Variants in SBDS observed in about 807,000 individuals in gnomAD.
SBDS encodes SBDS ribosome maturation factor, also known as ribosome maturation protein SBDS.
A neutral mutation model predicts 26.4 loss-of-function variants in SBDS; 20 were observed. That is an observed-to-expected ratio of 0.76 (90% CI 0.53 to 1.10). The LOEUF (loss-of-function observed/expected upper bound fraction) is 1.10. Among genes scored for constraint, SBDS ranks in the 50% least tolerant of loss-of-function variants. The probability of loss-of-function intolerance (pLI) is 0.00; values close to 1 mark genes in which losing one functional copy is unlikely to be tolerated. For synonymous variants in SBDS, 95 were observed against 105.1 expected, an observed-to-expected ratio of 0.90 and a Z score of 0.59; for missense variants, 241 against 302.0, an observed-to-expected ratio of 0.80 and a Z score of 1.50.
rs1445347125 is a variant in SBDS, at chr7:66,995,564, C to T, written c.-147G>A. On this transcript the variant is annotated 5_prime_UTR_variant, in exon 1 of 5. Transcript: ENST00000246868. The stretch of plus-strand genomic sequence containing the variant: ...GCGCGGCGCCGCGACTCACTAGCTT[C>T]AGGCAGCCGTCACAGTGTGTCTGGC... The T allele has an allele frequency of 9.4e-6, 11 of 1,168,454 alleles. No homozygotes were observed. Among genetic ancestry groups the T allele is most frequent in the Non-Finnish European group, 1.1e-5 (9 of 810,770 alleles). The allele number at this position is 1,168,454 out of a possible 1,614,324, so 72.4% of individuals were successfully genotyped here. A position where few individuals can be genotyped will look rare whatever the true frequency, so the allele number is the denominator to read the frequency against.
Position 66,995,553 on chromosome 7 carries a change from C to T in SBDS, c.-136G>A, listed in dbSNP as rs1793095493. ...CAACCACCAGTGCGCGGCGCCGCGA[C>T]TCACTAGCTTCAGGCAGCCGTCACA... On this transcript the variant is annotated 5_prime_UTR_variant, in exon 1 of 5. Transcript: ENST00000246868. 14 of 1,296,698 alleles carry T rather than the reference C, an allele frequency of 1.1e-5. No individual in the cohort carries two copies. The South Asian group carries it at 1.8e-4, about 16-fold the overall frequency. 80.3% of individuals were successfully genotyped at this position (1,296,698 alleles called of 1,614,324 possible).
At position 66,987,733 on chromosome 7, in the gene SBDS, A is replaced by G. The variant is rs1236735681; in HGVS notation, c.*638T>C. The G allele has an allele frequency of 5.9e-6, 1 of 170,660 alleles. No individual in the cohort carries two copies. Among genetic ancestry groups the G allele is most frequent in the African/African-American group, 2.4e-5 (1 of 42,018 alleles). The allele number at this position is 170,660 out of a possible 1,614,324, so 10.6% of individuals were successfully genotyped here. ...ACATAAGAGTGGTTTTATTGATTAC[A>G]TACAATTTTAGCTATATTAATATAT... On this transcript the variant is annotated 3_prime_UTR_variant, in exon 5 of 5. Transcript: ENST00000246868.
At chr7:66,994,403 A>G (rs552076495) in intron 1 of SBDS, 62 bp from the exon 2 acceptor site, 78 of 1,429,410 alleles carry the variant, frequency 5.5e-5, no homozygotes, top group Non-Finnish European at 7.5e-5. Context: ...ATGCATTTAC[A>G]TTTAAATACG....
chr7:66,991,237 C>T lies in SBDS; in HGVS notation c.524G>A (p.Arg175Gln), dbSNP rs544699994. Reference sequence around the variant, plus strand: ...GCCTTCATTGACTGGAAGGATGAACCGAAGCCTCATGTGAGCACGTTCTAT... The same window carrying T: ...GCCTTCATTGACTGGAAGGATGAACTGAAGCCTCATGTGAGCACGTTCTAT... ...MKIERAHMRL[R>Q]FILPVNEGKK... is the part of the protein sequence containing the mutation. Residue 175 changes from arginine to glutamine, a missense_variant, in exon 4 of 5, where the codon CGG (arginine) becomes CAG (glutamine). Arg to Gln is a conservative substitution (Grantham distance 43). Coordinates refer to ENST00000246868, the MANE Select transcript of SBDS (RefSeq NM_016038.4). 22 of 1,613,948 alleles carry T rather than the reference C, an allele frequency of 1.4e-5. No homozygotes were observed. Among genetic ancestry groups the T allele is most frequent in the East Asian group, 6.7e-5 (3 of 44,870 alleles).
At chr7:66,995,152 T>C (rs934441150) in intron 1 of SBDS, 138 bp downstream of exon 1, 59 of 1,238,246 alleles carry the variant, frequency 4.8e-5, no homozygotes, top group Admixed American at 9.6e-5. Context: ...CGACGTCTCA[T>C]GCTCACAGCA....
At chr7:66,991,797 C>T (rs1792981889) in intron 3 of SBDS, among the ~76,000 whole-genome samples, 1 of 152,032 alleles carries the variant, frequency 6.6e-6, no homozygotes, top group African/African-American at 2.4e-5. Flanking sequence ...CAAAAGAAGA[C>T]AGACGAGGCA....
chr7:66,988,224 T>C lies in SBDS; in HGVS notation c.*147A>G. 1.2e-6 allele frequency: 1 copy of C among 829,808 alleles called. No homozygotes were observed. The highest frequency in any genetic ancestry group is 1.6e-5 in the South Asian group (1 of 63,374). 51.4% of individuals were successfully genotyped at this position (829,808 alleles called of 1,614,324 possible). On this transcript the variant is annotated 3_prime_UTR_variant, in exon 5 of 5. Transcript: ENST00000246868. ...TCATTCCCACATTATTATACTTATG[T>C]AGGAAAGCCTTGCTGTGTCCACTGT... is the stretch of plus-strand genomic sequence containing the variant.
At chr7:66,990,246 G>A (rs1252343667) in intron 4 of SBDS, among the ~76,000 whole-genome samples, 3 of 152,150 alleles carry the variant, frequency 2.0e-5, no homozygotes, top group African/African-American at 7.2e-5. Context: ...TCGAACTCCC[G>A]ACCTCAGGTG....
intron 3 of SBDS, among the ~76,000 whole-genome samples, chr7:66,992,458 AT>A (rs1231157884): frequency 1.3e-5 from 2 of 152,136 alleles, no homozygotes; most frequent in Non-Finnish European, 2.9e-5. Context: ...TGAGTGTGAA[AT>A]TTATGGTATG....
At chr7:66,993,541 CA>C (rs1218913918) in intron 2 of SBDS, 124 bp from the exon 3 acceptor site, 2 of 789,570 alleles carry the variant, frequency 2.5e-6, no homozygotes, top group Admixed American at 4.2e-5. Context: ...CTCCAGCTAT[CA>C]ATATGTAAGT....
At chr7:66,988,798 A>G (rs1792917969) in intron 4 of SBDS, among the ~76,000 whole-genome samples, 1 of 152,222 alleles carries the variant, frequency 6.6e-6, no homozygotes, top group Non-Finnish European at 1.5e-5. Flanking sequence ...TTCTTCTCAT[A>G]CTAAAATTTA....
intron 2 of SBDS, among the ~76,000 whole-genome samples, chr7:66,993,824 A>C (rs1487170661): frequency 6.6e-6 from 1 of 151,956 alleles, no homozygotes; most frequent in African/African-American, 2.4e-5. Flanking sequence ...CAGTGAGCTG[A>C]GTGCAGTGAA....
chr7:66,988,385 C>A lies in SBDS; in HGVS notation c.739G>T (p.Glu247Ter). The A allele has an allele frequency of 6.2e-7, 1 of 1,613,484 alleles. No individual in the cohort carries two copies. The highest frequency in any genetic ancestry group is 1.1e-5 in the South Asian group (1 of 91,074). The change falls in exon 5 of 5, where the codon GAG (glutamate) becomes TAG (stop). Residue 247 changes from glutamate (E) to a stop codon, truncating the protein, a stop_gained. Coordinates refer to ENST00000246868, the MANE Select transcript of SBDS (RefSeq NM_016038.4). LOFTEE classifies it high-confidence loss of function. ...LNLKDVEEGD[E>*]KFE The stretch of plus-strand genomic sequence containing the variant: ...ATTGATGGGTGTCATTCAAATTTCT[C>A]ATCTCCTTCTTCTACATCTTTCAGA...
chr7:66,995,169 T>C, intron 1 of SBDS, 121 bp downstream of exon 1: 1 of 1,380,832 alleles, frequency 7.2e-7, no homozygotes, highest in Admixed American at 1.8e-5. Flanking sequence ...AGCAGGAATG[T>C]TCCATTTCCT....
intron 4 of SBDS, 55 bp from the exon 5 acceptor site, chr7:66,988,554 A>C: frequency 1.2e-6 from 2 of 1,603,594 alleles, no homozygotes; most frequent in East Asian, 4.5e-5. Flanking sequence ...ACACAGAATA[A>C]ACTCAGCTTT....
Position 66,994,375 on chromosome 7 carries a change from T to C in SBDS, c.129-34A>G, listed in dbSNP as rs1176394397. The C allele has an allele frequency of 1.9e-6, 3 of 1,605,292 alleles. No homozygotes were observed. The South Asian group carries it at 3.3e-5, about 18-fold the overall frequency. ...GGCAGGAGAGAAAGTCCTATGTGAA[T>C]ATACTTGAAACTTGGACATGCATTT... On this transcript the variant is annotated intron_variant, in intron 1 of 4. Transcript: ENST00000246868.
intron 4 of SBDS, among the ~76,000 whole-genome samples, chr7:66,988,974 A>G (rs1247909768): frequency 1.3e-5 from 2 of 151,400 alleles, no homozygotes; most frequent in Non-Finnish European, 2.9e-5. Flanking sequence ...GGTTCAAGTG[A>G]TTCTCCTGCC....
chr7:66,991,306 C>A lies in SBDS; in HGVS notation c.460-5G>T. ...CTGCTTTATCACTTCCAAAGCCTAC[C>A]AAGACAAAATCGAGAATGCAATTTC... is the stretch of plus-strand genomic sequence containing the variant. On this transcript the variant is annotated splice_polypyrimidine_tract_variant and splice_region_variant and intron_variant, in intron 3 of 4. Coordinates refer to ENST00000246868, the MANE Select transcript of SBDS (RefSeq NM_016038.4). 1.2e-6 allele frequency: 2 copies of A among 1,604,890 alleles called. No individual in the cohort carries two copies. The highest frequency in any genetic ancestry group is 1.7e-6 in the Non-Finnish European group (2 of 1,174,114).
At chr7:66,992,151 G>A (rs1322859293) in intron 3 of SBDS, among the ~76,000 whole-genome samples, 4 of 152,172 alleles carry the variant, frequency 2.6e-5, no homozygotes, top group East Asian at 1.9e-4. Flanking sequence ...GTTTCTTTCC[G>A]TACAGTGGGC....
Sources: gnomAD v4.1 joint callset for allele counts (sites outside exome capture counted in the v4.1 genomes callset) on GRCh38, gnomAD v4.1.1 for gene constraint, MANE v1.5 for transcripts, NCBI Gene and HGNC (gene_info 2026-07-23, HGNC 2026-07-21) for gene names.